SLC10A7: variants seen among roughly 807,000 people sequenced by gnomAD.
SLC10A7 encodes the protein solute carrier family 10 member 7.
A neutral mutation model predicts 43.2 loss-of-function variants in SLC10A7; 29 were observed. The observed-to-expected ratio is 0.67, with a 90% CI of 0.50 to 0.92. The LOEUF is 0.92. SLC10A7 is among the 40% of genes least tolerant of loss of function. SLC10A7 has a pLI of 0.00. For missense variants in SLC10A7, 295 were observed against 403.2 expected (o/e 0.73, Z 2.30); for synonymous variants, 152 against 144.8 (o/e 1.05, Z -0.35).
chr4:146,354,234 T>C (rs1297558965), intron 5 of SLC10A7, among the ~76,000 whole-genome samples: 1 of 149,778 alleles, frequency 6.7e-6, no homozygotes, highest in Non-Finnish European at 1.5e-5. Flanking sequence ...AGCATTCTTA[T>C]ACACCAACAA....
At chr4:146,354,532 A>G (rs2149751517) in intron 5 of SLC10A7, among the ~76,000 whole-genome samples, 1 of 148,630 alleles carries the variant, frequency 6.7e-6, no homozygotes, top group South Asian at 2.2e-4. Flanking sequence ...GAATTGGAAA[A>G]AACTACTTTA....
At chr4:146,299,384 A>T (rs1226098931) in intron 7 of SLC10A7, among the ~76,000 whole-genome samples, 4 of 152,224 alleles carry the variant, frequency 2.6e-5, no homozygotes, top group Non-Finnish European at 5.9e-5. Flanking sequence ...CTAGTTTAAG[A>T]GAGAAATAAA....
intron 2 of SLC10A7, among the ~76,000 whole-genome samples, chr4:146,516,778 G>T (rs112805047): frequency 5.9e-5 from 9 of 152,150 alleles, no homozygotes; most frequent in African/African-American, 2.2e-4. Context: ...AACTAAAGTA[G>T]ATGCTTCAGT....
chr4:146,463,326 T>C (rs940373497), intron 4 of SLC10A7, among the ~76,000 whole-genome samples: 6 of 152,120 alleles, frequency 3.9e-5, no homozygotes, highest in African/African-American at 1.4e-4. Context: ...ATATTGCATA[T>C]GATTAATGAG....
At position 146,396,922 on chromosome 4, in the gene SLC10A7, G is replaced by C. The variant is rs142572526; in HGVS notation, c.435+45861C>G. Among the ~76,000 whole-genome samples, 173 of 152,018 alleles carry C rather than the reference G, an allele frequency of 1.1e-3. 1 individual carries two copies. The East Asian group carries it at 0.02, about 17-fold the overall frequency. On this transcript the variant is annotated intron_variant, in intron 5 of 11. Coordinates refer to ENST00000335472, the MANE Select transcript of SLC10A7 (RefSeq NM_001029998.6). ...AATAACAAAAGGAAAAGGAGAAAAA[G>C]AAAGAAGAGAATTAAGTCAAACACT...
At chr4:146,382,922 G>T (rs891021564) in intron 5 of SLC10A7, among the ~76,000 whole-genome samples, 1 of 151,756 alleles carries the variant, frequency 6.6e-6, no homozygotes, top group African/African-American at 2.4e-5. Flanking sequence ...TATTGGGGGT[G>T]GGGGGTGCAG....
At chr4:146,321,093 G>A (rs1182741026) in intron 6 of SLC10A7, among the ~76,000 whole-genome samples, 1 of 152,022 alleles carries the variant, frequency 6.6e-6, no homozygotes, top group Admixed American at 6.6e-5. Context: ...GATAAAATAA[G>A]ACAATACTAT....
intron 4 of SLC10A7, among the ~76,000 whole-genome samples, chr4:146,451,538 C>G (rs11727219): frequency 0.81 from 123,129 of 152,100 alleles, 50,402 homozygotes; most frequent in South Asian, 0.91. Flanking sequence ...CCATGATCAA[C>G]TGGGATTTAT....
chr4:146,517,715 G>T (rs755236782), intron 1 of SLC10A7, among the ~76,000 whole-genome samples: 1 of 151,972 alleles, frequency 6.6e-6, no homozygotes, highest in Non-Finnish European at 1.5e-5. Flanking sequence ...TTCAATAGAG[G>T]TCCTAATTAT....
At chr4:146,306,162 G>T (rs1260238043) in intron 6 of SLC10A7, among the ~76,000 whole-genome samples, 153 bp from the exon 7 acceptor site, 1 of 152,078 alleles carries the variant, frequency 6.6e-6, no homozygotes, top group African/African-American at 2.4e-5. Context: ...AATTTTCTAA[G>T]TTCAACACAA....
Position 146,292,917 on chromosome 4 carries a change from C to CA in SLC10A7, c.773+11dup, listed in dbSNP as rs753391766. 1 of 1,567,678 alleles carries CA rather than the reference C, an allele frequency of 6.4e-7. No homozygotes were observed. Among genetic ancestry groups the CA allele is most frequent in the Admixed American group, 1.7e-5 (1 of 58,072 alleles). ...TTAGAAAACTAATAACAAGAGATAC[C>CA]AAATCACTTACCTTGTTGAAAAGAT... is the stretch of plus-strand genomic sequence containing the variant. On this transcript the variant is annotated intron_variant, in intron 9 of 11. Transcript: ENST00000335472.
At chr4:146,441,009 G>C (rs996381818) in intron 5 of SLC10A7, among the ~76,000 whole-genome samples, 1 of 152,128 alleles carries the variant, frequency 6.6e-6, no homozygotes, top group Non-Finnish European at 1.5e-5. Context: ...CATACGGCTT[G>C]TTAACTTTTA....
At chr4:146,476,944 C>A (rs1421283971) in intron 4 of SLC10A7, among the ~76,000 whole-genome samples, 1 of 58,442 alleles carries the variant, frequency 1.7e-5, no homozygotes, top group African/African-American at 7.9e-5. Context: ...ACAAATTCTG[C>A]TCTGAAAAAA....
chr4:146,457,093 T>C (rs546531399), intron 4 of SLC10A7, among the ~76,000 whole-genome samples: 1 of 152,106 alleles, frequency 6.6e-6, no homozygotes, highest in Admixed American at 6.6e-5. Context: ...AGGCAATATA[T>C]AAACTAATGA....
intron 5 of SLC10A7, among the ~76,000 whole-genome samples, chr4:146,336,047 T>C (rs887191364): frequency 3.3e-5 from 5 of 152,142 alleles, no homozygotes; most frequent in African/African-American, 7.2e-5. Flanking sequence ...TTTGTAGGCA[T>C]ATTAAAATTT....
rs1218686681 is a variant in SLC10A7 at position 146,521,938 on chromosome 4, A to G, written c.-221T>C. ...AGCCAGTGACAGGAAAGTCTCACTG[A>G]GCGCCGCCATCACTACCACGCGCCT... On this transcript the variant is annotated 5_prime_UTR_variant, in exon 1 of 12. Transcript: ENST00000335472. 2 of 476,554 alleles carry G rather than the reference A, an allele frequency of 4.2e-6. No homozygotes were observed. The highest frequency in any genetic ancestry group is 2.9e-5 in the South Asian group (1 of 34,690). The allele number at this position is 476,554 out of a possible 1,614,324, so 29.5% of individuals were successfully genotyped here.
intron 5 of SLC10A7, among the ~76,000 whole-genome samples, chr4:146,360,604 C>CTTTT (rs369091992): frequency 7.8e-4 from 119 of 151,626 alleles, no homozygotes; most frequent in African/African-American, 2.7e-3. Context: ...CCACACCTGG[C>CTTTT]TTTTTGTTTG....
At chr4:146,383,586 A>G (rs958293608) in intron 5 of SLC10A7, among the ~76,000 whole-genome samples, 2 of 152,168 alleles carry the variant, frequency 1.3e-5, no homozygotes, top group African/African-American at 2.4e-5. Flanking sequence ...TTTGTTTTCA[A>G]TATATCTCTG....
At chr4:146,333,030 T>C (rs944920473) in intron 5 of SLC10A7, among the ~76,000 whole-genome samples, 1 of 152,196 alleles carries the variant, frequency 6.6e-6, no homozygotes, top group African/African-American at 2.4e-5. Flanking sequence ...ATGTATCCTA[T>C]ATTACTGGTG....
Sources: gnomAD v4.1 joint callset for allele counts (sites outside exome capture counted in the v4.1 genomes callset) on GRCh38, gnomAD v4.1.1 for gene constraint, MANE v1.5 for transcripts, NCBI Gene and HGNC (gene_info 2026-07-23, HGNC 2026-07-21) for gene names.